SPEN: variants seen among roughly 807,000 people sequenced by gnomAD.
SPEN encodes msx2-interacting protein.
Under a neutral mutation model 269.9 loss-of-function variants are expected in SPEN, and 18 were observed. That is an observed-to-expected ratio of 0.07 (90% CI 0.05 to 0.10). SPEN has a LOEUF of 0.10. Among genes scored for constraint, SPEN ranks in the 10% least tolerant of loss-of-function variants. The probability of loss-of-function intolerance (pLI) is 1.00; values close to 1 mark genes in which losing one functional copy is unlikely to be tolerated. For missense variants in SPEN, 3,822 were observed against 4,631.2 expected, an observed-to-expected ratio of 0.83 and a Z score of 5.07; for synonymous variants, 1,726 against 1,765.7, an observed-to-expected ratio of 0.98 and a Z score of 0.56.
At chr1:15,938,086 C>A in intron 13 of SPEN, 80 bp downstream of exon 13, 1 of 1,284,992 alleles carries the variant, frequency 7.8e-7, no homozygotes, top group Non-Finnish European at 1.1e-6. Flanking sequence ...GCCCATCTCC[C>A]TGGCCTGTCA....
rs544248526 is a variant in SPEN, at chr1:15,882,353, C to A, written c.881+5675C>A. Among the ~76,000 whole-genome samples the A allele has an allele frequency of 1.8e-4, 27 of 152,202 alleles. 1 individual carries two copies. The South Asian group carries it at 5.0e-3, about 28-fold the overall frequency. ...TCCCTATTATTGGATTCCCGCCCCC[C>A]CAATCAAGTTGTAAGAATTTCCTTT... On this transcript the variant is annotated intron_variant, in intron 3 of 14. Coordinates refer to ENST00000375759, the MANE Select transcript of SPEN (RefSeq NM_015001.3).
rs777364899 is a variant in SPEN, at chr1:15,933,456, C to T, written c.7216C>T (p.Pro2406Ser). ...ATGTACTTCTGACCTAAGCAAGATT[C>T]CCTCCACAGAGAATTCGTCCCAAGA... ...QSCTSDLSKI[P>S]STENSSQEIS... The change falls in exon 11 of 15, where the codon CCC becomes TCC. Residue 2406 changes from proline to serine, a missense_variant. Pro to Ser is a moderately conservative substitution (Grantham distance 74). Transcript: ENST00000375759. The surrounding 1 kb of genome is among the most constrained non-coding windows in gnomAD (Gnocchi z 5.7). 4.3e-6 allele frequency: 7 copies of T among 1,614,024 alleles called. No homozygotes were observed. Among genetic ancestry groups the T allele is most frequent in the Non-Finnish European group, 5.9e-6 (7 of 1,180,034 alleles).
intron 11 of SPEN, 87 bp downstream of exon 11, chr1:15,936,353 A>G: frequency 6.9e-7 from 1 of 1,440,808 alleles, no homozygotes; most frequent in Non-Finnish European, 9.1e-7. Flanking sequence ...TGTGAAAGAA[A>G]TCAGGGGCCA....
At chr1:15,871,845 T>G (rs996564467) in intron 1 of SPEN, among the ~76,000 whole-genome samples, 5 of 152,156 alleles carry the variant, frequency 3.3e-5, no homozygotes, top group Non-Finnish European at 5.9e-5. Context: ...TAGTTTTTAT[T>G]TTAATATAAG....
intron 2 of SPEN, 46 bp downstream of exon 2, chr1:15,873,182 G>A (rs972922199): frequency 6.5e-7 from 1 of 1,528,700 alleles, no homozygotes; most frequent in Non-Finnish European, 8.8e-7. Context: ...ATTTGATATG[G>A]TGAGAAACAG....
chr1:15,856,399 A>G (rs1235485113), intron 1 of SPEN, among the ~76,000 whole-genome samples: 1 of 152,034 alleles, frequency 6.6e-6, no homozygotes, highest in Non-Finnish European at 1.5e-5. Context: ...CTGGGATCTA[A>G]TATTTCCTTC....
At position 15,934,030 on chromosome 1, in the gene SPEN, A is replaced by T; in HGVS notation, c.7790A>T (p.Gln2597Leu). The T allele has an allele frequency of 6.2e-7, 1 of 1,613,468 alleles. No individual in the cohort carries two copies. Among genetic ancestry groups the T allele is most frequent in the Non-Finnish European group, 8.5e-7 (1 of 1,179,570 alleles). The change falls in exon 11 of 15, where the codon CAA (glutamine) becomes CTA (leucine). Residue 2597 changes from glutamine (Q) to leucine (L), a missense_variant. Physicochemically the swap from Gln to Leu is moderately radical, Grantham distance 113 (BLOSUM62 -2). Coordinates refer to ENST00000375759, the MANE Select transcript of SPEN (RefSeq NM_015001.3). This position sits in a 1 kb window ranked among gnomAD's most constrained non-coding sequence, Gnocchi z 9.2. ...CCAGTGACAAACAACTCTGAGATACAAGCCTCGGAGGTGCTGGTAGCTGCT... is the reference window on the plus strand; with the variant it reads ...CCAGTGACAAACAACTCTGAGATACTAGCCTCGGAGGTGCTGGTAGCTGCT... ...APPVTNNSEI[Q>L]ASEVLVAADK...
intron 3 of SPEN, among the ~76,000 whole-genome samples, chr1:15,897,113 G>C (rs2070848757): frequency 6.6e-6 from 1 of 152,164 alleles, no homozygotes; most frequent in Non-Finnish European, 1.5e-5. Flanking sequence ...TTTCCCGTTA[G>C]AAATCTTTGT....
At chr1:15,912,650 A>G (rs2071022130) in intron 5 of SPEN, among the ~76,000 whole-genome samples, 1 of 152,204 alleles carries the variant, frequency 6.6e-6, no homozygotes, top group African/African-American at 2.4e-5. Flanking sequence ...TCAAAGGAAT[A>G]TTATCTTTTC....
At position 15,929,012 on chromosome 1, in the gene SPEN, T is replaced by C; in HGVS notation, c.2772T>C (p.Pro924=). The C allele has an allele frequency of 6.2e-7, 1 of 1,614,192 alleles. No individual in the cohort carries two copies. Among genetic ancestry groups the C allele is most frequent in the African/African-American group, 1.3e-5 (1 of 75,030 alleles). Residue 924 remains proline, a synonymous_variant, in exon 11 of 15, where the codon CCT becomes CCC. Coordinates refer to ENST00000375759, the MANE Select transcript of SPEN (RefSeq NM_015001.3). This position sits in a 1 kb window ranked among gnomAD's most constrained non-coding sequence, Gnocchi z 5.8. ...DQKLQVSQTE[P]AKSDLSKLES... ...AACTTCAGGTCTCTCAGACGGAGCC[T>C]GCAAAATCTGACTTGTCTAAACTGG...
At chr1:15,867,780 C>T (rs2070529500) in intron 1 of SPEN, among the ~76,000 whole-genome samples, 2 of 151,006 alleles carry the variant, frequency 1.3e-5, no homozygotes, top group South Asian at 4.2e-4. Context: ...ATTTTGATTT[C>T]CCTAATGACT....
chr1:15,926,087 G>A (rs2071163316), intron 10 of SPEN, among the ~76,000 whole-genome samples: 1 of 152,068 alleles, frequency 6.6e-6, no homozygotes, highest in African/African-American at 2.4e-5. Context: ...TTTGAACTGA[G>A]GAAGTTCAAT....
chr1:15,866,417 G>A (rs1036695566), intron 1 of SPEN, among the ~76,000 whole-genome samples: 1 of 152,022 alleles, frequency 6.6e-6, no homozygotes, highest in African/African-American at 2.4e-5. Flanking sequence ...GCAGTGGTGC[G>A]ATCTTGGCTC....
At chr1:15,895,451 A>G (rs1190703957) in intron 3 of SPEN, among the ~76,000 whole-genome samples, 2 of 152,146 alleles carry the variant, frequency 1.3e-5, no homozygotes, top group African/African-American at 4.8e-5. Flanking sequence ...TATTTCACTT[A>G]GCATAATATT....
chr1:15,882,138 T>A (rs2862748), intron 3 of SPEN, among the ~76,000 whole-genome samples: 136,108 of 152,266 alleles, frequency 0.89, 61,207 homozygotes, highest in African/African-American at 0.96. Context: ...TACAGTATTT[T>A]ACTGGTGAGA....
intron 3 of SPEN, among the ~76,000 whole-genome samples, chr1:15,898,838 C>T (rs1036089477): frequency 6.6e-6 from 1 of 152,174 alleles, no homozygotes; most frequent in Non-Finnish European, 1.5e-5. Flanking sequence ...GCTGGGGTTA[C>T]AGGCGTGAGC....
Position 15,918,907 on chromosome 1 carries a change from T to C in SPEN, c.1396-19T>C, listed in dbSNP as rs1017332168. The stretch of plus-strand genomic sequence containing the variant: ...TTTTCTTGGGCATATTGCTAAGTTG[T>C]ATTCATTGGTTTTTTCAGGATATTG... On this transcript the variant is annotated intron_variant, in intron 6 of 14. Coordinates refer to ENST00000375759, the MANE Select transcript of SPEN (RefSeq NM_015001.3). The C allele has an allele frequency of 6.3e-7, 1 of 1,597,598 alleles. No individual in the cohort carries two copies. The highest frequency in any genetic ancestry group is 8.5e-7 in the Non-Finnish European group (1 of 1,173,112).
chr1:15,924,949 T>C (rs1018808841), intron 10 of SPEN, among the ~76,000 whole-genome samples: 2 of 152,242 alleles, frequency 1.3e-5, no homozygotes, highest in African/African-American at 2.4e-5. Context: ...ATGCATTCCT[T>C]GCAGTAGACC....
chr1:15,921,672 T>G (rs924297942), intron 9 of SPEN, among the ~76,000 whole-genome samples: 2 of 152,198 alleles, frequency 1.3e-5, no homozygotes, highest in South Asian at 2.1e-4. Flanking sequence ...CCTACTCTCC[T>G]GAAGAGTGGG....
Sources: allele counts gnomAD v4.1 joint callset (sites outside exome capture counted in the v4.1 genomes callset), GRCh38; gene constraint gnomAD v4.1.1; non-coding constraint Gnocchi (gnomAD v3.1); transcripts MANE v1.5; gene names NCBI Gene and HGNC (gene_info 2026-07-23, HGNC 2026-07-21).